PCDH9: variants seen among roughly 807,000 people sequenced by gnomAD.
PCDH9 encodes protocadherin-9.
A neutral mutation model predicts 70.6 loss-of-function variants in PCDH9; 24 were observed. The ratio of observed to expected loss-of-function variants is 0.34; its 90% CI spans 0.25 to 0.48. PCDH9 has a LOEUF of 0.48. PCDH9 is among the 20% of genes least tolerant of loss of function. The pLI is 0.99. For missense variants in PCDH9, 1,281 were observed against 1,503.6 expected (o/e 0.85, Z 2.45); for synonymous variants, 562 against 558.5 (o/e 1.01, Z -0.09).
chr13:66,535,070 G>A (rs189205082), intron 4 of PCDH9, among the ~76,000 whole-genome samples: 58 of 152,000 alleles, frequency 3.8e-4, no homozygotes, highest in African/African-American at 1.4e-3. Context: ...TCATGTATAA[G>A]TGGCGTGAAT....
At chr13:66,387,196 A>T (rs1267322216) in intron 4 of PCDH9, among the ~76,000 whole-genome samples, 1 of 152,214 alleles carries the variant, frequency 6.6e-6, no homozygotes, top group Non-Finnish European at 1.5e-5. Context: ...GCCATTATCT[A>T]TTAGAAGACT....
intron 3 of PCDH9, among the ~76,000 whole-genome samples, chr13:66,816,357 T>C (rs2080604485): frequency 6.6e-6 from 1 of 152,068 alleles, no homozygotes; most frequent in Admixed American, 6.6e-5. Context: ...CCTAGATCAG[T>C]AGGATTATGA....
At chr13:66,560,787 G>A (rs1010668132) in intron 4 of PCDH9, among the ~76,000 whole-genome samples, 3 of 152,174 alleles carry the variant, frequency 2.0e-5, no homozygotes, top group African/African-American at 7.2e-5. Flanking sequence ...TCTAACTTCT[G>A]CTCAGTCACC....
chr13:66,950,763 T>C (rs1287171108), intron 2 of PCDH9, among the ~76,000 whole-genome samples: 1 of 152,124 alleles, frequency 6.6e-6, no homozygotes, highest in African/African-American at 2.4e-5. Context: ...TGTGAACCTC[T>C]GAAACAATTA....
intron 3 of PCDH9, among the ~76,000 whole-genome samples, chr13:66,673,898 G>A (rs2139044093): frequency 6.6e-6 from 1 of 152,130 alleles, no homozygotes; most frequent in Non-Finnish European, 1.5e-5. Flanking sequence ...ATAATTATAT[G>A]GTTGCAATTC....
intron 4 of PCDH9, among the ~76,000 whole-genome samples, chr13:66,449,758 A>G (rs1958168324): frequency 6.6e-6 from 1 of 152,172 alleles, no homozygotes; most frequent in African/African-American, 2.4e-5. Context: ...AAACTTTTAT[A>G]TCCCAATCGT....
At chr13:67,053,156 A>T (rs2085353930) in intron 2 of PCDH9, among the ~76,000 whole-genome samples, 2 of 152,170 alleles carry the variant, frequency 1.3e-5, no homozygotes, top group South Asian at 4.1e-4. Flanking sequence ...GCAGAAAAAA[A>T]TGGGAATTTT....
rs190728343 is a variant in PCDH9 at position 66,719,845 on chromosome 13, T to C, written c.3139-88434A>G. Among the ~76,000 whole-genome samples the C allele has an allele frequency of 1.1e-3, 166 of 152,330 alleles. 3 individuals carry two copies. The highest frequency in any genetic ancestry group is 3.8e-3 in the African/African-American group (156 of 41,594). Reference sequence around the variant, plus strand: ...AAATAAATCCAAGTCATTTTATAAGTATCCATAGTGAAGTTGTTCAGTCAG... The same window carrying C: ...AAATAAATCCAAGTCATTTTATAAGCATCCATAGTGAAGTTGTTCAGTCAG... On this transcript the variant is annotated intron_variant, in intron 3 of 4. Coordinates refer to ENST00000377865, the MANE Select transcript of PCDH9 (RefSeq NM_203487.3).
chr13:66,828,810 A>AAAAAAAAAAAAAAAAAAATAAT (rs71207607), intron 3 of PCDH9, among the ~76,000 whole-genome samples: 10 of 148,608 alleles, frequency 6.7e-5, no homozygotes, highest in African/African-American at 2.2e-4. Context: ...GCCATACATA[A>AAAAAAAAAAAAAAAAAAATAAT]AATAATAATA....
chr13:66,999,267 G>A (rs937153137), intron 2 of PCDH9, among the ~76,000 whole-genome samples: 1 of 152,084 alleles, frequency 6.6e-6, no homozygotes, highest in Non-Finnish European at 1.5e-5. Context: ...TTGAGATACA[G>A]GTTTCAGTCA....
chr13:66,777,240 A>G (rs993220873), intron 3 of PCDH9, among the ~76,000 whole-genome samples: 4 of 152,094 alleles, frequency 2.6e-5, no homozygotes, highest in Admixed American at 2.0e-4. Flanking sequence ...CATGTCTAAA[A>G]CACCAAAAGT....
At chr13:66,563,962 C>T (rs2076614385) in intron 4 of PCDH9, among the ~76,000 whole-genome samples, 2 of 151,980 alleles carry the variant, frequency 1.3e-5, no homozygotes, top group African/African-American at 4.8e-5. Flanking sequence ...TCTCCCTTAC[C>T]ACAGCCCTTT....
intron 2 of PCDH9, among the ~76,000 whole-genome samples, chr13:66,971,899 G>C (rs1423594534): frequency 6.6e-6 from 1 of 151,860 alleles, no homozygotes; most frequent in Non-Finnish European, 1.5e-5. Context: ...AAGTCTTCGA[G>C]CTATTGTTAA....
At chr13:66,424,969 T>A (rs1229539399) in intron 4 of PCDH9, among the ~76,000 whole-genome samples, 1 of 151,658 alleles carries the variant, frequency 6.6e-6, no homozygotes, top group Non-Finnish European at 1.5e-5. Flanking sequence ...AAACAACACA[T>A]CCAATCAGTT....
At chr13:67,202,442 A>G (rs1318637730) in intron 2 of PCDH9, 4 of 152,098 alleles carry the variant, frequency 2.6e-5, no homozygotes, top group Admixed American at 1.3e-4. Flanking sequence ...TACCACATCT[A>G]AGAGCACATC....
intron 2 of PCDH9, among the ~76,000 whole-genome samples, chr13:67,084,997 A>AAAAAATAT (rs1566414172): frequency 9.0e-5 from 3 of 33,198 alleles, no homozygotes; most frequent in Non-Finnish European, 1.0e-4. Flanking sequence ...AAAAAAAAAA[A>AAAAAATAT]ATATATATAT....
In PCDH9 at chr13:67,016,505, T is replaced by C. The variant is rs1168504973; in HGVS notation, c.3037-112900A>G. ...TAAGTGGATTGGCTCAAAGCCATTA[T>C]AGAGAGGAAGTTATTGTGTCATTTT... On this transcript the variant is annotated intron_variant, in intron 2 of 4. Transcript: ENST00000377865. Among the ~76,000 whole-genome samples the C allele has an allele frequency of 4.6e-5, 7 of 152,224 alleles. No homozygotes were observed. In the East Asian group the frequency reaches 1.3e-3, roughly 29 times the overall value.
intron 4 of PCDH9, among the ~76,000 whole-genome samples, chr13:66,444,762 T>C (rs2138410984): frequency 6.6e-6 from 1 of 152,128 alleles, no homozygotes; most frequent in East Asian, 1.9e-4. Flanking sequence ...GGTTTCACCA[T>C]GTTGGCCAGG....
At chr13:67,202,555 T>TA (rs1441824052) in intron 2 of PCDH9, 2 of 152,182 alleles carry the variant, frequency 1.3e-5, no homozygotes, top group Non-Finnish European at 2.9e-5. Context: ...AGTCAATCTC[T>TA]ATAACTCACC....
Sources: gnomAD v4.1 joint callset for allele counts (sites outside exome capture counted in the v4.1 genomes callset) on GRCh38, gnomAD v4.1.1 for gene constraint, MANE v1.5 for transcripts, NCBI Gene and HGNC (gene_info 2026-07-23, HGNC 2026-07-21) for gene names.